The following LCORL variants were observed in gnomAD, a reference collection of about 807,000 sequenced individuals.
The protein encoded by LCORL is ligand-dependent nuclear receptor corepressor-like protein.
A neutral mutation model predicts 141.8 loss-of-function variants in LCORL; 41 were observed. The ratio of observed to expected loss-of-function variants is 0.29; its 90% CI spans 0.23 to 0.38. The LOEUF (loss-of-function observed/expected upper bound fraction) is 0.38, where lower values mean the gene tolerates loss of function less well. Among genes scored for constraint, LCORL ranks in the 10% least tolerant of loss-of-function variants. The pLI, the probability that LCORL is intolerant of heterozygous loss-of-function variation, is 1.00. For synonymous variants in LCORL, 618 were observed against 694.1 expected (o/e 0.89, Z 1.72); for missense variants, 1,759 against 2,035.0 (o/e 0.86, Z 2.61).
chr4:17,945,419 T>G (rs1738709617), intron 4 of LCORL, among the ~76,000 whole-genome samples: 1 of 151,762 alleles, frequency 6.6e-6, no homozygotes, highest in Admixed American at 6.6e-5. Context: ...GGGTTTTTTT[T>G]TTTACACTAG....
intron 1 of LCORL, among the ~76,000 whole-genome samples, chr4:18,019,571 C>T (rs1725158941): frequency 6.6e-6 from 1 of 152,070 alleles, no homozygotes; most frequent in Non-Finnish European, 1.5e-5. Flanking sequence ...ATTCTAGTCC[C>T]CTTTTCCATC....
At chr4:17,843,291 C>T in exon 8 of LCORL, 1 of 1,603,274 alleles carries the variant, frequency 6.2e-7, no homozygotes, top group Non-Finnish European at 8.5e-7. Context: ...GTATTTTCAA[C>T]ATCTATTTAG....
At chr4:17,844,779 C>G in exon 8 of LCORL, 1 of 152,380 alleles carries the variant, frequency 6.6e-6, no homozygotes. Context: ...CCAGGCTATC[C>G]AAAAAGAAAG....
At chr4:17,927,516 T>C (rs1185099582) in intron 4 of LCORL, among the ~76,000 whole-genome samples, 2 of 152,236 alleles carry the variant, frequency 1.3e-5, no homozygotes, top group Admixed American at 6.5e-5. Context: ...ACTTTTGATA[T>C]GTCTTTCTCA....
chr4:18,008,245 G>A (rs969973711), intron 1 of LCORL, among the ~76,000 whole-genome samples: 1 of 152,102 alleles, frequency 6.6e-6, no homozygotes, highest in African/African-American at 2.4e-5. Context: ...AGTTGTAAAA[G>A]CAAGAAAAAA....
chr4:17,898,174 T>C (rs1446912826), intron 5 of LCORL, among the ~76,000 whole-genome samples: 1 of 151,900 alleles, frequency 6.6e-6, no homozygotes, highest in Admixed American at 6.6e-5. Flanking sequence ...AAAAAAAAGG[T>C]TTAAGGGTTC....
chr4:17,998,244 G>C (rs1721224668), intron 1 of LCORL, among the ~76,000 whole-genome samples: 1 of 152,068 alleles, frequency 6.6e-6, no homozygotes, highest in African/African-American at 2.4e-5. Flanking sequence ...TGAAAGCCTA[G>C]GACATTACCA....
At chr4:17,883,543 T>C in intron 6 of LCORL, 1 of 1,330,530 alleles carries the variant, frequency 7.5e-7, no homozygotes, top group Non-Finnish European at 9.6e-7. Context: ...AATAAAACTT[T>C]TTTTCAAAAG....
intron 5 of LCORL, among the ~76,000 whole-genome samples, chr4:17,900,897 A>C (rs888460862): frequency 6.6e-6 from 1 of 152,112 alleles, no homozygotes; most frequent in African/African-American, 2.4e-5. Flanking sequence ...AATTGATGAG[A>C]TTTCTCCTTA....
At chr4:17,978,579 C>CAAAAAAAA (rs202146842) in intron 1 of LCORL, among the ~76,000 whole-genome samples, 1 of 125,246 alleles carries the variant, frequency 8.0e-6, no homozygotes, top group Non-Finnish European at 1.8e-5. Flanking sequence ...GACCTTGTCT[C>CAAAAAAAA]AAAAAAAAAA....
chr4:17,903,269 T>TA (rs1347027219), intron 5 of LCORL, among the ~76,000 whole-genome samples: 3 of 152,100 alleles, frequency 2.0e-5, no homozygotes, highest in African/African-American at 7.2e-5. Context: ...TTGAGAGGTT[T>TA]ACTATAATGA....
At chr4:17,968,406 AGAG>A (rs1324467455) in intron 2 of LCORL, among the ~76,000 whole-genome samples, 1 of 152,232 alleles carries the variant, frequency 6.6e-6, no homozygotes, top group Non-Finnish European at 1.5e-5. Flanking sequence ...CCTAATAAGA[AGAG>A]AACTTACTTA....
chr4:17,889,032 T>C (rs1044893636), intron 5 of LCORL, among the ~76,000 whole-genome samples: 4 of 152,088 alleles, frequency 2.6e-5, no homozygotes, highest in African/African-American at 9.7e-5. Flanking sequence ...TTTCATAAAA[T>C]AGAAATTATG....
intron 1 of LCORL, among the ~76,000 whole-genome samples, chr4:17,995,569 T>C (rs1047359064): frequency 7.2e-5 from 11 of 152,130 alleles, no homozygotes; most frequent in Admixed American, 4.6e-4. Flanking sequence ...ATTTCCCTAA[T>C]TTATACTTAT....
rs1376483155 is a variant in LCORL at position 17,843,126 on chromosome 4, G to T, written c.*2762C>A. 1.6e-5 allele frequency: 9 copies of T among 570,790 alleles called. No individual in the cohort carries two copies. In the African/African-American group the frequency reaches 1.7e-4, roughly 11 times the overall value. 35.4% of individuals were successfully genotyped at this position (570,790 alleles called of 1,614,324 possible). A position where few individuals can be genotyped will look rare whatever the true frequency, so the allele number is the denominator to read the frequency against. Reference sequence around the variant, plus strand: ...AGATTTTCCCTGATTCACTTTGCTAGATAGCCAAGTCAGTGTTTTTTTGAC... The same window carrying T: ...AGATTTTCCCTGATTCACTTTGCTATATAGCCAAGTCAGTGTTTTTTTGAC... On this transcript the variant is annotated 3_prime_UTR_variant, in exon 8 of 8. Transcript: ENST00000635767.
chr4:17,858,736 A>AATG (rs1230476329), intron 7 of LCORL, among the ~76,000 whole-genome samples: 4 of 150,994 alleles, frequency 2.6e-5, no homozygotes, highest in African/African-American at 9.7e-5. Context: ...CTCAAATAAT[A>AATG]ATAATAATAA....
At chr4:17,850,778 A>G (rs1257653033) in intron 7 of LCORL, among the ~76,000 whole-genome samples, 3 of 151,684 alleles carry the variant, frequency 2.0e-5, no homozygotes, top group South Asian at 2.1e-4. Context: ...CCATTACTGG[A>G]TATATACCCA....
At chr4:17,924,849 A>G (rs1419297603) in intron 4 of LCORL, among the ~76,000 whole-genome samples, 1 of 152,124 alleles carries the variant, frequency 6.6e-6, no homozygotes, top group Non-Finnish European at 1.5e-5. Flanking sequence ...CAACTAGATG[A>G]CCATACTTTG....
chr4:17,941,765 G>A (rs1288750353), intron 4 of LCORL, among the ~76,000 whole-genome samples: 1 of 151,838 alleles, frequency 6.6e-6, no homozygotes, highest in African/African-American at 2.4e-5. Context: ...TTACCCCAAT[G>A]TTCATATTTC....
Sources: gnomAD v4.1 joint callset for allele counts (sites outside exome capture counted in the v4.1 genomes callset) on GRCh38, gnomAD v4.1.1 for gene constraint, MANE v1.5 for transcripts, NCBI Gene and HGNC (gene_info 2026-07-23, HGNC 2026-07-21) for gene names.